TSPAN9: variants seen among roughly 807,000 people sequenced by gnomAD.
TSPAN9 encodes the protein tetraspanin-9.
A neutral mutation model predicts 31.0 loss-of-function variants in TSPAN9; 16 were observed. That is an observed-to-expected ratio of 0.52 (90% confidence interval 0.35 to 0.78). The LOEUF is 0.78. Among genes scored for constraint, TSPAN9 ranks in the 30% least tolerant of loss-of-function variants. The pLI, the probability that TSPAN9 is intolerant of heterozygous loss-of-function variation, is 0.01. For synonymous variants in TSPAN9, 145 were observed against 121.6 expected, an observed-to-expected ratio of 1.19 and a Z score of -1.27; for missense variants, 272 against 312.5, an observed-to-expected ratio of 0.87 and a Z score of 0.98.
intron 2 of TSPAN9, among the ~76,000 whole-genome samples, chr12:3,136,022 C>G (rs1379816236): frequency 6.6e-6 from 1 of 152,176 alleles, no homozygotes; most frequent in Non-Finnish European, 1.5e-5. Context: ...TCCTGTTGCT[C>G]CCCGAGGAGT....
chr12:3,269,251 T>TGC (rs1862618487), intron 3 of TSPAN9, among the ~76,000 whole-genome samples: 2 of 39,616 alleles, frequency 5.0e-5, no homozygotes, highest in South Asian at 1.9e-3. Flanking sequence ...GCCTGCCCTG[T>TGC]GTTCCTGCAG....
At chr12:3,078,095 G>A (rs2098296015) in intron 1 of TSPAN9, among the ~76,000 whole-genome samples, 1 of 152,248 alleles carries the variant, frequency 6.6e-6, no homozygotes, top group Non-Finnish European at 1.5e-5. Context: ...TGGAACTGGA[G>A]TCTTGGATCT....
intron 3 of TSPAN9, among the ~76,000 whole-genome samples, chr12:3,212,116 T>C (rs9669147): frequency 0.53 from 80,138 of 151,846 alleles, 21,886 homozygotes; most frequent in Middle Eastern, 0.67. Context: ...GGATTACAGG[T>C]GTGTGCCACC....
intron 3 of TSPAN9, among the ~76,000 whole-genome samples, chr12:3,268,998 C>T (rs1363895064): frequency 1.0e-5 from 1 of 100,074 alleles, no homozygotes. Flanking sequence ...CCGTGCGTTC[C>T]TGCAGCCTGC....
chr12:3,114,850 A>G (rs991906171), intron 2 of TSPAN9, among the ~76,000 whole-genome samples: 1 of 151,900 alleles, frequency 6.6e-6, no homozygotes, highest in African/African-American at 2.4e-5. Flanking sequence ...CTCAAAAAAA[A>G]AAAAAAAAAA....
chr12:3,227,933 C>T (rs975832158), intron 3 of TSPAN9, among the ~76,000 whole-genome samples: 5 of 152,148 alleles, frequency 3.3e-5, no homozygotes, highest in African/African-American at 9.7e-5. Flanking sequence ...GCTCAGAAAA[C>T]GCCTTCATAT....
chr12:3,158,568 A>G (rs765810227), intron 2 of TSPAN9, among the ~76,000 whole-genome samples: 3 of 152,248 alleles, frequency 2.0e-5, no homozygotes, highest in Middle Eastern at 3.4e-3. Flanking sequence ...CTAAAAATAC[A>G]AAAAGTAGCT....
chr12:3,269,810 C>T (rs536413065), intron 3 of TSPAN9, among the ~76,000 whole-genome samples: 1 of 152,232 alleles, frequency 6.6e-6, no homozygotes, highest in East Asian at 1.9e-4. Flanking sequence ...CACCCCCTCT[C>T]GTGGCTGCAC....
intron 3 of TSPAN9, among the ~76,000 whole-genome samples, chr12:3,264,449 G>A (rs748348223): frequency 7.2e-5 from 11 of 152,200 alleles, no homozygotes; most frequent in African/African-American, 1.4e-4. Flanking sequence ...AAGAAAGCAC[G>A]CCTGCAAATC....
chr12:3,185,244 G>A (rs2098360593), intron 2 of TSPAN9, among the ~76,000 whole-genome samples: 1 of 152,210 alleles, frequency 6.6e-6, no homozygotes. Context: ...CGGCGGATAA[G>A]CTATCTCAGA....
intron 2 of TSPAN9, among the ~76,000 whole-genome samples, chr12:3,169,487 C>T (rs547267982): frequency 3.3e-5 from 5 of 152,330 alleles, no homozygotes; most frequent in East Asian, 3.9e-4. Flanking sequence ...ATGGGCAACA[C>T]GTGTACCTGC....
chr12:3,127,424 C>T (rs1215316250), intron 2 of TSPAN9, among the ~76,000 whole-genome samples: 5 of 151,846 alleles, frequency 3.3e-5, no homozygotes, highest in Admixed American at 6.6e-5. Flanking sequence ...GGCGCAATCT[C>T]GGCTCACTGC....
chr12:3,154,016 G>A (rs1463447605), intron 2 of TSPAN9, among the ~76,000 whole-genome samples: 13 of 12,496 alleles, frequency 1.0e-3, no homozygotes, highest in South Asian at 0.025. Context: ...ATATATGTGT[G>A]TGTGTGTGTG....
At chr12:3,151,166 GT>G (rs1735493072) in intron 2 of TSPAN9, 1 of 152,350 alleles carries the variant, frequency 6.6e-6, no homozygotes, top group African/African-American at 2.4e-5. Context: ...GTGTGTTTGT[GT>G]TTGCACACGT....
chr12:3,281,593 G>T (rs996190818), intron 7 of TSPAN9, 141 bp from the exon 8 acceptor site: 1 of 1,129,332 alleles, frequency 8.9e-7, no homozygotes, highest in South Asian at 1.6e-5. Flanking sequence ...GCTGCGCCAA[G>T]GGATGGGGAC....
intron 2 of TSPAN9, among the ~76,000 whole-genome samples, chr12:3,198,707 GCCACCACCAGCACAGC>G (rs1406758114): frequency 0.045 from 817 of 18,022 alleles, 53 homozygotes; most frequent in Non-Finnish European, 0.057. Flanking sequence ...ACCAGCACAG[GCCACCACCAGCACAGC>G]TCACCACCAG....
chr12:3,084,310 T>C, intron 2 of TSPAN9: 1 of 152,576 alleles, frequency 6.6e-6, no homozygotes, highest in Non-Finnish European at 1.5e-5. Flanking sequence ...GGGTGGACGG[T>C]GCTGATTCAG....
chr12:3,197,863 CCACCACCAGCACAGGT>C (rs2098368023), intron 2 of TSPAN9, among the ~76,000 whole-genome samples: 1 of 51,956 alleles, frequency 1.9e-5, no homozygotes, highest in Non-Finnish European at 3.6e-5. Flanking sequence ...CCAGCACAGG[CCACCACCAGCACAGGT>C]CACCACCAGC....
intron 3 of TSPAN9, among the ~76,000 whole-genome samples, chr12:3,218,451 G>A (rs906522771): frequency 1.2e-4 from 18 of 152,250 alleles, no homozygotes; most frequent in Admixed American, 2.0e-4. Flanking sequence ...GCCTGCAGTG[G>A]CCAGACTAGC....
Sources: gnomAD v4.1 joint callset for allele counts (sites outside exome capture counted in the v4.1 genomes callset) on GRCh38, gnomAD v4.1.1 for gene constraint, MANE v1.5 for transcripts, NCBI Gene and HGNC (gene_info 2026-07-23, HGNC 2026-07-21) for gene names.